The following PLA2G6 variants were observed in gnomAD, a reference collection of about 807,000 sequenced individuals.
PLA2G6 encodes 85/88 kDa calcium-independent phospholipase A2.
In PLA2G6, 62 loss-of-function variants were observed where a neutral mutation model predicts 83.8. The observed-to-expected ratio is 0.74, with a 90% CI of 0.60 to 0.91. PLA2G6 has a LOEUF of 0.91. PLA2G6 is among the 40% of genes least tolerant of loss of function. The pLI, the probability that PLA2G6 is intolerant of heterozygous loss-of-function variation, is 0.00. For synonymous variants in PLA2G6, 417 were observed against 449.8 expected, an observed-to-expected ratio of 0.93 and a Z score of 0.92; for missense variants, 944 against 1,102.0, an observed-to-expected ratio of 0.86 and a Z score of 2.03.
At chr22:38,142,458 G>A (rs1211932459) in intron 4 of PLA2G6, 1 of 156,042 alleles carries the variant, frequency 6.4e-6, no homozygotes, top group African/African-American at 2.4e-5. Context: ...AGGGCCTCTG[G>A]CACAAATGCC....
Position 38,128,374 on chromosome 22 carries a change from A to G in PLA2G6, c.1243T>C (p.Phe415Leu), listed in dbSNP as rs759220142. 1.9e-5 allele frequency: 31 copies of G among 1,613,850 alleles called. No homozygotes were observed. Among genetic ancestry groups the G allele is most frequent in the Non-Finnish European group, 2.6e-5 (31 of 1,179,966 alleles). ...LLRTVGAEYC[F>L]PPIHGVPAEQ... ...GCGGGGACCCCGTGGATGGGTGGGAAGCAGTATTCGGCCCCCACGGTTCTC... is the reference window on the plus strand; with the variant it reads ...GCGGGGACCCCGTGGATGGGTGGGAGGCAGTATTCGGCCCCCACGGTTCTC... The change falls in exon 9 of 17, where the codon TTC (phenylalanine) becomes CTC (leucine). Residue 415 changes from phenylalanine (F) to leucine (L), a missense_variant. Coordinates refer to ENST00000332509, the MANE Select transcript of PLA2G6 (RefSeq NM_003560.4). The surrounding 1 kb of genome is among the most constrained non-coding windows in gnomAD (Gnocchi z 4.4).
chr22:38,168,335 G>T (rs369816274), intron 2 of PLA2G6, among the ~76,000 whole-genome samples: 1 of 152,244 alleles, frequency 6.6e-6, no homozygotes, highest in African/African-American at 2.4e-5. Context: ...CTAGATGCCA[G>T]TCTGCCAAGC....
chr22:38,169,338 G>A lies in PLA2G6; in HGVS notation c.89C>T (p.Ala30Val). 1 of 1,614,100 alleles carries A rather than the reference G, an allele frequency of 6.2e-7. No individual in the cohort carries two copies. The highest frequency in any genetic ancestry group is 1.1e-5 in the South Asian group (1 of 91,080). The change falls in exon 2 of 17, where the codon GCC (alanine) becomes GTC (valine). Residue 30 changes from alanine (A) to valine (V), a missense_variant. Transcript: ENST00000332509. ...NPFRVKEVAV[A>V]DYTSSDRVRE... ...AACTCGGTCACTCGAGGTGTAGTCGGCCACAGCCACCTCCTTCACCCGGAA... is the reference window on the plus strand; with the variant it reads ...AACTCGGTCACTCGAGGTGTAGTCGACCACAGCCACCTCCTTCACCCGGAA...
Position 38,175,433 on chromosome 22 carries a change from G to GCCCAACT in PLA2G6, c.-45-5969_-45-5963dup, listed in dbSNP as rs199647325. On this transcript the variant is annotated intron_variant, in intron 1 of 16. Coordinates refer to ENST00000332509, the MANE Select transcript of PLA2G6 (RefSeq NM_003560.4). ...CAGACTCCAGCATCCATGAGAGCTG[G>GCCCAACT]CCCAACTCACCCCTCCAACTCATCC... Among the ~76,000 whole-genome samples, 1,368 of 152,150 alleles carry GCCCAACT rather than the reference G, an allele frequency of 9.0e-3. 20 individuals carry two copies. Among genetic ancestry groups the GCCCAACT allele is most frequent in the African/African-American group, 0.031 (1,287 of 41,482 alleles).
intron 1 of PLA2G6, among the ~76,000 whole-genome samples, chr22:38,172,482 C>T (rs1354046486): frequency 1.3e-5 from 2 of 152,230 alleles, no homozygotes; most frequent in East Asian, 3.8e-4. Context: ...AGAAAACATG[C>T]CATTGAGTAG....
At chr22:38,157,019 A>C (rs894465700) in intron 2 of PLA2G6, among the ~76,000 whole-genome samples, 12 of 152,194 alleles carry the variant, frequency 7.9e-5, no homozygotes, top group Non-Finnish European at 1.6e-4. Flanking sequence ...ACCTACATCA[A>C]GTAAGTAGAA....
At chr22:38,153,277 C>A (rs923311864) in intron 2 of PLA2G6, among the ~76,000 whole-genome samples, 1 of 152,102 alleles carries the variant, frequency 6.6e-6, no homozygotes, top group Admixed American at 6.6e-5. Flanking sequence ...ACTAAAAATA[C>A]AAAAATTAGC....
At chr22:38,142,614 A>T (rs547639545) in intron 4 of PLA2G6, 1 of 215,950 alleles carries the variant, frequency 4.6e-6, no homozygotes, top group East Asian at 1.1e-4. Flanking sequence ...GCTGATCTAA[A>T]AAAAAGGTCC....
intron 2 of PLA2G6, among the ~76,000 whole-genome samples, chr22:38,152,954 C>T (rs867204704): frequency 2.0e-5 from 3 of 151,782 alleles, no homozygotes; most frequent in African/African-American, 2.4e-5. Context: ...TATAGGAAGA[C>T]GTCCTCCTGC....
chr22:38,127,131 G>A (rs778534831), intron 9 of PLA2G6: 162 of 1,127,630 alleles, frequency 1.4e-4, no homozygotes, highest in Middle Eastern at 4.2e-4. Context: ...GCAGCAGCCC[G>A]CGTGACCCCA....
At chr22:38,137,938 T>C (rs1291859665) in intron 5 of PLA2G6, 3 of 152,282 alleles carry the variant, frequency 2.0e-5, no homozygotes, top group African/African-American at 7.2e-5. Flanking sequence ...CGTGGGATTC[T>C]TGGAGTAGGG....
chr22:38,124,411 C>A (rs1214022399), intron 10 of PLA2G6, among the ~76,000 whole-genome samples: 1 of 152,186 alleles, frequency 6.6e-6, no homozygotes, highest in Admixed American at 6.5e-5. Flanking sequence ...GAGTCACATG[C>A]TCTCCAGCGC....
At chr22:38,127,864 TCAAA>T (rs1300753898) in intron 9 of PLA2G6, among the ~76,000 whole-genome samples, 4 of 151,906 alleles carry the variant, frequency 2.6e-5, no homozygotes, top group Non-Finnish European at 4.4e-5. Context: ...CAACCGAGAT[TCAAA>T]CAGTGTGATA....
At chr22:38,126,289 C>A in intron 10 of PLA2G6, 82 bp downstream of exon 10, 2 of 1,040,874 alleles carry the variant, frequency 1.9e-6, no homozygotes, top group Non-Finnish European at 1.5e-6. Context: ...GAGAGTAAAG[C>A]CCTGAGCCCA....
At chr22:38,120,158 G>A (rs1602085725) in intron 12 of PLA2G6, among the ~76,000 whole-genome samples, 1 of 152,206 alleles carries the variant, frequency 6.6e-6, no homozygotes, top group Non-Finnish European at 1.5e-5. Flanking sequence ...GCATTGCTTA[G>A]TCCTAGGATT....
intron 1 of PLA2G6, among the ~76,000 whole-genome samples, chr22:38,175,931 G>A (rs1442613801): frequency 6.6e-6 from 1 of 152,172 alleles, no homozygotes; most frequent in Admixed American, 6.5e-5. Flanking sequence ...AGCCCATGGG[G>A]CCAGCACCTC....
At chr22:38,165,561 AG>A in intron 2 of PLA2G6, among the ~76,000 whole-genome samples, 1 of 152,306 alleles carries the variant, frequency 6.6e-6, no homozygotes, top group Middle Eastern at 3.4e-3. Context: ...TAAGTCATTA[AG>A]CACCTGATGT....
At chr22:38,116,526 AG>A in intron 12 of PLA2G6, 1 of 473,110 alleles carries the variant, frequency 2.1e-6, no homozygotes, top group Non-Finnish European at 4.2e-6. Flanking sequence ...AGGAAAGAAA[AG>A]GGGGCCGCAC....
chr22:38,147,711 C>T (rs1166587193), intron 2 of PLA2G6: 1 of 152,134 alleles, frequency 6.6e-6, no homozygotes, highest in Non-Finnish European at 1.5e-5. Context: ...GCTACCACGC[C>T]CAGCTAATTT....
Sources: gnomAD v4.1 joint callset for allele counts (sites outside exome capture counted in the v4.1 genomes callset) on GRCh38, gnomAD v4.1.1 for gene constraint, Gnocchi (gnomAD v3.1) non-coding constraint, MANE v1.5 for transcripts, NCBI Gene and HGNC (gene_info 2026-07-23, HGNC 2026-07-21) for gene names.